PCDHGB1: variants seen among roughly 807,000 people sequenced by gnomAD.
The protein encoded by PCDHGB1 is protocadherin gamma-B1.
PCDHGB1 carries 34 observed loss-of-function variants against 56.6 expected under a neutral mutation model. The ratio of observed to expected loss-of-function variants is 0.60; its 90% confidence interval spans 0.46 to 0.80. The LOEUF (loss-of-function observed/expected upper bound fraction) is 0.80. PCDHGB1 is among the 30% of genes least tolerant of loss of function. PCDHGB1 has a pLI of 0.00. For missense variants in PCDHGB1, 1,278 were observed against 1,204.6 expected (o/e 1.06, Z -0.90); for synonymous variants, 561 against 505.9 (o/e 1.11, Z -1.46).
Position 141,431,374 on chromosome 5 carries a change from GGCT to G in PCDHGB1, c.2410-63429_2410-63427del, listed in dbSNP as rs752583215. The G allele has an allele frequency of 1.7e-4, 275 of 1,613,980 alleles. No individual in the cohort carries two copies. Among genetic ancestry groups the G allele is most frequent in the Non-Finnish European group, 2.0e-4 (238 of 1,180,036 alleles). On this transcript the variant is annotated intron_variant, in intron 1 of 3. Coordinates refer to ENST00000523390, the MANE Select transcript of PCDHGB1 (RefSeq NM_018922.3). This position sits in a 1 kb window ranked among gnomAD's most constrained non-coding sequence, Gnocchi z 4.8. Reference sequence around the variant, plus strand: ...AACGCGCCCTGGACCGCGAAGAAAAGGCTGCTCACCACCTGGTCCTTACGGCCT... The same window carrying G: ...AACGCGCCCTGGACCGCGAAGAAAAGGCTCACCACCTGGTCCTTACGGCCT...
chr5:141,373,211 T>C (rs1258872699), intron 1 of PCDHGB1, among the ~76,000 whole-genome samples: 1 of 152,254 alleles, frequency 6.6e-6, no homozygotes, highest in Non-Finnish European at 1.5e-5. Flanking sequence ...AACACATTTT[T>C]AATGTAACCT....
chr5:141,435,194 C>G (rs538114313), intron 1 of PCDHGB1, among the ~76,000 whole-genome samples: 85 of 152,214 alleles, frequency 5.6e-4, no homozygotes, highest in Middle Eastern at 6.8e-3. Flanking sequence ...AGATGGCTAG[C>G]AAATTCATAA....
At chr5:141,441,004 C>G (rs1258800474) in intron 1 of PCDHGB1, 1 of 152,066 alleles carries the variant, frequency 6.6e-6, no homozygotes, top group African/African-American at 2.4e-5. Flanking sequence ...TCTAGTTTGG[C>G]CTTGATCAAA....
In PCDHGB1 at chr5:141,512,839, C is replaced by T. The variant is rs141207714; in HGVS notation, c.*1666C>T. ...GACCCCCTCCCCCGTACTGACTTCTCCTATAAGCGCTTCTCTTCGCATAGT... is the reference window on the plus strand; with the variant it reads ...GACCCCCTCCCCCGTACTGACTTCTTCTATAAGCGCTTCTCTTCGCATAGT... On this transcript the variant is annotated 3_prime_UTR_variant, in exon 4 of 4. Transcript: ENST00000523390. 278 of 152,216 alleles carry T rather than the reference C, an allele frequency of 1.8e-3. 2 individuals are homozygous for T. Among genetic ancestry groups the T allele is most frequent in the Middle Eastern group, 0.01 (3 of 292 alleles). 9.4% of individuals were successfully genotyped at this position (152,216 alleles called of 1,614,324 possible). A position where few individuals can be genotyped will look rare whatever the true frequency, so the allele number is the denominator to read the frequency against.
chr5:141,474,579 G>A (rs1340685342), intron 1 of PCDHGB1, among the ~76,000 whole-genome samples: 3 of 152,196 alleles, frequency 2.0e-5, no homozygotes, highest in Non-Finnish European at 4.4e-5. Flanking sequence ...TAATTGAAGT[G>A]TTAAAGACAT....
chr5:141,410,785 G>T, intron 1 of PCDHGB1: 1 of 804,598 alleles, frequency 1.2e-6, no homozygotes, highest in Non-Finnish European at 1.8e-6. Context: ...TATGTATTTG[G>T]TTCATAAGTT....
chr5:141,366,307 G>C lies in PCDHGB1; in HGVS notation c.2409+13638G>C, dbSNP rs539472764. On this transcript the variant is annotated intron_variant, in intron 1 of 3. Transcript: ENST00000523390. Reference sequence around the variant, plus strand: ...AGCCCCCTCTGTCAGCCACCTTCACGGTCACCGTTGCCGTGGCCGACAGGA... The same window carrying C: ...AGCCCCCTCTGTCAGCCACCTTCACCGTCACCGTTGCCGTGGCCGACAGGA... The C allele has an allele frequency of 7.4e-6, 12 of 1,613,630 alleles. No individual in the cohort carries two copies. In the East Asian group the frequency reaches 2.2e-4, roughly 30 times the overall value.
chr5:141,350,108 C>T lies in PCDHGB1; in HGVS notation c.-153C>T. 1 of 536,896 alleles carries T rather than the reference C, an allele frequency of 1.9e-6. No individual in the cohort carries two copies. Among genetic ancestry groups the T allele is most frequent in the Non-Finnish European group, 2.9e-6 (1 of 340,032 alleles). 33.3% of individuals were successfully genotyped at this position (536,896 alleles called of 1,614,324 possible). A position where few individuals can be genotyped will look rare whatever the true frequency, so the allele number is the denominator to read the frequency against. ...GAGCGTCAGGCAGGGTGCCTTCCTGCTTTGTCCGGTGCACTGAGCACAGAC... is the reference window on the plus strand; with the variant it reads ...GAGCGTCAGGCAGGGTGCCTTCCTGTTTTGTCCGGTGCACTGAGCACAGAC... On this transcript the variant is annotated 5_prime_UTR_variant, in exon 1 of 4. Coordinates refer to ENST00000523390, the MANE Select transcript of PCDHGB1 (RefSeq NM_018922.3).
chr5:141,365,941 T>C (rs1175439180), intron 1 of PCDHGB1: 15 of 1,614,152 alleles, frequency 9.3e-6, no homozygotes, highest in Non-Finnish European at 1.2e-5. Context: ...CCAGCGACAG[T>C]GGGAACCCTC....
intron 1 of PCDHGB1, among the ~76,000 whole-genome samples, chr5:141,469,045 G>C (rs35157158): frequency 1.4e-3 from 207 of 152,234 alleles, no homozygotes; most frequent in Middle Eastern, 0.01. Flanking sequence ...GGGAGGCCAA[G>C]GTGGGAGGAT....
At chr5:141,409,919 G>A in intron 1 of PCDHGB1, 1 of 1,613,346 alleles carries the variant, frequency 6.2e-7, no homozygotes, top group Non-Finnish European at 8.5e-7. Flanking sequence ...TGACGGCTCC[G>A]CGTTCTTCGA....
intron 1 of PCDHGB1, among the ~76,000 whole-genome samples, chr5:141,444,162 T>A: frequency 8.4e-6 from 1 of 119,238 alleles, no homozygotes. Flanking sequence ...ATTTTTTTTT[T>A]TTTTTTTTTT....
intron 1 of PCDHGB1, chr5:141,360,069 G>A (rs1761407187): frequency 6.8e-7 from 1 of 1,469,142 alleles, no homozygotes; most frequent in Non-Finnish European, 9.0e-7. Flanking sequence ...AGTGACCTTA[G>A]CCCGGATTCT....
chr5:141,420,318 T>C, intron 1 of PCDHGB1: 1 of 1,446,376 alleles, frequency 6.9e-7, no homozygotes, highest in Non-Finnish European at 9.3e-7. Context: ...TATTACAATA[T>C]GCCAATATAT....
chr5:141,423,897 T>G, intron 1 of PCDHGB1: 7 of 1,278,866 alleles, frequency 5.5e-6, no homozygotes, highest in Non-Finnish European at 6.9e-6. Flanking sequence ...TTTCTTTTGA[T>G]TTCAAAGGGG....
chr5:141,375,486 G>C (rs1193457334), intron 1 of PCDHGB1: 1 of 1,613,796 alleles, frequency 6.2e-7, no homozygotes, highest in Non-Finnish European at 8.5e-7. Flanking sequence ...AACCCCAGGG[G>C]TGCCTCCATC....
Position 141,351,811 on chromosome 5 carries a change from C to T in PCDHGB1, c.1551C>T (p.Asp517=), listed in dbSNP as rs962928273. Residue 517 remains aspartate, a synonymous_variant, in exon 1 of 4, where the codon GAC becomes GAT. Coordinates refer to ENST00000523390, the MANE Select transcript of PCDHGB1 (RefSeq NM_018922.3). The stretch of plus-strand genomic sequence containing the variant: ...TGGTGTTCGCGCAGCGCGCCTTCGA[C>T]CACGAGCAGCTGCGCGCCTTCGAGC... ...SGVVFAQRAF[D]HEQLRAFELT... 3.7e-6 allele frequency: 6 copies of T among 1,613,306 alleles called. No homozygotes were observed. Among genetic ancestry groups the T allele is most frequent in the Admixed American group, 1.7e-5 (1 of 60,016 alleles).
intron 1 of PCDHGB1, chr5:141,399,850 C>G (rs768366007): frequency 1.2e-6 from 2 of 1,612,828 alleles, no homozygotes; most frequent in Non-Finnish European, 1.7e-6. Context: ...CGATATGGTG[C>G]CGCGCGCTGC....
Position 141,485,943 on chromosome 5 carries a change from C to T in PCDHGB1, c.2410-8864C>T, listed in dbSNP as rs750871245. On this transcript the variant is annotated intron_variant, in intron 1 of 3. Transcript: ENST00000523390. This position sits in a 1 kb window ranked among gnomAD's most constrained non-coding sequence, Gnocchi z 5.7. Reference sequence around the variant, plus strand: ...ATTAGTGTGTTGGAGAGCGCACCAGCGGGCATGGTGCTCATCCAGCTCAAT... The same window carrying T: ...ATTAGTGTGTTGGAGAGCGCACCAGTGGGCATGGTGCTCATCCAGCTCAAT... The T allele has an allele frequency of 1.9e-6, 3 of 1,614,126 alleles. No homozygotes were observed. In the South Asian group the frequency reaches 3.3e-5, roughly 18 times the overall value.
Sources: allele counts gnomAD v4.1 joint callset (sites outside exome capture counted in the v4.1 genomes callset), GRCh38; gene constraint gnomAD v4.1.1; non-coding constraint Gnocchi (gnomAD v3.1); transcripts MANE v1.5; gene names NCBI Gene and HGNC (gene_info 2026-07-23, HGNC 2026-07-21).